Variants in ZFP91 observed in about 807,000 individuals in gnomAD.
ZFP91 encodes the protein E3 ubiquitin-protein ligase ZFP91.
In ZFP91, 7 loss-of-function variants were observed where a neutral mutation model predicts 63.5. That is an observed-to-expected ratio of 0.11 (90% CI 0.06 to 0.21). The LOEUF is 0.21. Ranked by LOEUF, ZFP91 falls within the 10% of genes least tolerant of loss-of-function variation. ZFP91 has a pLI of 1.00. For missense variants in ZFP91, 628 were observed against 736.6 expected, an observed-to-expected ratio of 0.85 and a Z score of 1.71; for synonymous variants, 330 against 272.1, an observed-to-expected ratio of 1.21 and a Z score of -2.10.
intron 6 of ZFP91, 80 bp from the exon 7 acceptor site, chr11:58,612,190 CGTGTGTGT>C: frequency 2.5e-6 from 3 of 1,193,550 alleles, no homozygotes; most frequent in Non-Finnish European, 3.6e-6. Context: ...GTTCTTTGGC[CGTGTGTGT>C]GTGTGTGTGT....
Position 58,579,591 on chromosome 11 carries a change from C to A in ZFP91, c.310C>A (p.Pro104Thr), listed in dbSNP as rs1855057622. Residue 104 changes from proline to threonine, a missense_variant, in exon 1 of 11, where the codon CCA becomes ACA. This residue lies in a region of ZFP91 where 437 missense variants were observed against 380.3 expected (regional missense o/e 1.15). Coordinates refer to ENST00000316059, the MANE Select transcript of ZFP91 (RefSeq NM_053023.5). ...QQPQAAKSPS[P>T]VQGKKSPRLL... ...GCCCCAGGCCGCGAAGTCCCCGTCTCCAGTTCAGGGCAAGAAGAGTCCGCG... is the reference window on the plus strand; with the variant it reads ...GCCCCAGGCCGCGAAGTCCCCGTCTACAGTTCAGGGCAAGAAGAGTCCGCG... 6.3e-7 allele frequency: 1 copy of A among 1,580,272 alleles called. No homozygotes were observed. Among genetic ancestry groups the A allele is most frequent in the African/African-American group, 1.4e-5 (1 of 71,014 alleles).
At chr11:58,601,011 A>C (rs190708353) in intron 2 of ZFP91, among the ~76,000 whole-genome samples, 22 of 152,206 alleles carry the variant, frequency 1.4e-4, no homozygotes, top group Admixed American at 1.2e-3. Context: ...AATTGATTAT[A>C]GTGTTTAATC....
chr11:58,610,121 G>T, intron 3 of ZFP91, 82 bp downstream of exon 3: 1 of 1,526,256 alleles, frequency 6.6e-7, no homozygotes. Flanking sequence ...TGTGTTAACA[G>T]CTTAACTGTC....
Position 58,617,674 on chromosome 11 carries a change from C to T in ZFP91, c.1681C>T (p.Leu561=). The stretch of plus-strand genomic sequence containing the variant: ...TATACTCGGTGCTACCACAGAGGTT[C>T]TGATTGAAGATTCAGACTCTGCCGG... ...SDILGATTEV[L]IEDSDSAGP The change falls in exon 11 of 11, where the codon CTG becomes TTG. Residue 561 remains leucine, a synonymous_variant. Coordinates refer to ENST00000316059, the MANE Select transcript of ZFP91 (RefSeq NM_053023.5). This position sits in a 1 kb window ranked among gnomAD's most constrained non-coding sequence, Gnocchi z 4.2. 6.6e-7 allele frequency: 1 copy of T among 1,521,902 alleles called. No individual in the cohort carries two copies. Among genetic ancestry groups the T allele is most frequent in the South Asian group, 1.3e-5 (1 of 75,378 alleles). The allele number at this position is 1,521,902 out of a possible 1,614,324, so 94.3% of individuals were successfully genotyped here.
At chr11:58,610,064 G>T in intron 3 of ZFP91, 25 bp downstream of exon 3, 1 of 1,607,466 alleles carries the variant, frequency 6.2e-7, no homozygotes. Flanking sequence ...GAATATGGCT[G>T]TTTACTAACT....
At chr11:58,591,249 G>A (rs1344296506) in intron 2 of ZFP91, among the ~76,000 whole-genome samples, 1 of 152,090 alleles carries the variant, frequency 6.6e-6, no homozygotes, top group Non-Finnish European at 1.5e-5. Flanking sequence ...TTTGTGTCTC[G>A]CTTATTTTGC....
chr11:58,609,324 G>A (rs1168109515), intron 2 of ZFP91, among the ~76,000 whole-genome samples: 1 of 152,186 alleles, frequency 6.6e-6, no homozygotes, highest in Non-Finnish European at 1.5e-5. Context: ...CTATAGATTA[G>A]TTCAAATTTA....
chr11:58,596,879 T>A (rs1446063163), intron 2 of ZFP91, among the ~76,000 whole-genome samples: 1 of 152,126 alleles, frequency 6.6e-6, no homozygotes, highest in East Asian at 1.9e-4. Flanking sequence ...GTTCTCTCTA[T>A]TGGGATTTTC....
At chr11:58,581,142 C>G (rs1287238184) in intron 1 of ZFP91, among the ~76,000 whole-genome samples, 2 of 152,074 alleles carry the variant, frequency 1.3e-5, no homozygotes, top group African/African-American at 2.4e-5. Flanking sequence ...TTGCGTTTTT[C>G]AGTAATGGTG....
intron 1 of ZFP91, among the ~76,000 whole-genome samples, chr11:58,580,080 T>C (rs1346847570): frequency 1.4e-5 from 2 of 146,262 alleles, no homozygotes; most frequent in African/African-American, 5.1e-5. Flanking sequence ...GATGTACTAG[T>C]GTGTTTATGT....
intron 9 of ZFP91, 56 bp from the exon 10 acceptor site, chr11:58,616,660 G>A (rs1855753459): frequency 2.0e-6 from 3 of 1,481,626 alleles, no homozygotes; most frequent in South Asian, 1.2e-5. Context: ...TTACTGTAAG[G>A]GAAAATATTT....
chr11:58,600,386 A>G (rs1855473897), intron 2 of ZFP91, among the ~76,000 whole-genome samples: 1 of 152,166 alleles, frequency 6.6e-6, no homozygotes, highest in African/African-American at 2.4e-5. Context: ...ACTTAAAACA[A>G]TGAATGTTAT....
At chr11:58,584,025 T>G (rs1855163065) in intron 1 of ZFP91, among the ~76,000 whole-genome samples, 1 of 152,052 alleles carries the variant, frequency 6.6e-6, no homozygotes, top group South Asian at 2.1e-4. Context: ...TATAGGAAGT[T>G]CATTATACTG....
intron 9 of ZFP91, among the ~76,000 whole-genome samples, chr11:58,615,958 C>T (rs1855742730): frequency 6.6e-6 from 1 of 152,166 alleles, no homozygotes; most frequent in Non-Finnish European, 1.5e-5. Context: ...TCTTTGTGCA[C>T]GGGCTTCCCA....
chr11:58,592,522 C>T (rs997375745), intron 2 of ZFP91, among the ~76,000 whole-genome samples: 2 of 152,112 alleles, frequency 1.3e-5, no homozygotes, highest in South Asian at 2.1e-4. Context: ...TTCTGTCATT[C>T]GTGACAACGT....
chr11:58,617,928 A>C lies in ZFP91; in HGVS notation c.*222A>C. ...AAAATTGATGTTGTCTTTACCAGAA[A>C]GGTAGACAAAAAAGAAGCAGCAGCA... On this transcript the variant is annotated 3_prime_UTR_variant, in exon 11 of 11. Transcript: ENST00000316059. The surrounding 1 kb of genome is among the most constrained non-coding windows in gnomAD (Gnocchi z 4.2). 2.0e-6 allele frequency: 1 copy of C among 500,752 alleles called. No individual in the cohort carries two copies. The highest frequency in any genetic ancestry group is 3.1e-6 in the Non-Finnish European group (1 of 324,830). 31.0% of individuals were successfully genotyped at this position (500,752 alleles called of 1,614,324 possible). A position where few individuals can be genotyped will look rare whatever the true frequency, so the allele number is the denominator to read the frequency against.
rs35866007 is a variant in ZFP91 at position 58,579,065 on chromosome 11, GGCGC to G, written c.-204_-201del. The G allele has an allele frequency of 2.1e-5, 7 of 340,462 alleles. No homozygotes were observed. The highest frequency in any genetic ancestry group is 1.5e-4 in the South Asian group (2 of 13,538). 21.1% of individuals were successfully genotyped at this position (340,462 alleles called of 1,614,324 possible). A position where few individuals can be genotyped will look rare whatever the true frequency, so the allele number is the denominator to read the frequency against. Reference sequence around the variant, plus strand: ...TCCGATTGGCCCGCTGAGCGTCTGTGGCGCGCGCGCGCGCGCCGCCAGCGGTAGC... The same window carrying G: ...TCCGATTGGCCCGCTGAGCGTCTGTGGCGCGCGCGCGCCGCCAGCGGTAGC... On this transcript the variant is annotated 5_prime_UTR_variant, in exon 1 of 11. Transcript: ENST00000316059.
chr11:58,617,572 A>G lies in ZFP91; in HGVS notation c.1579A>G (p.Ser527Gly). The G allele has an allele frequency of 1.2e-6, 2 of 1,611,930 alleles. No individual in the cohort carries two copies. The highest frequency in any genetic ancestry group is 1.7e-6 in the Non-Finnish European group (2 of 1,179,124). Reference sequence around the variant, plus strand: ...ATACTGCAGTGGGACGGAACGGGTGAGCCTGATGGCTGATGGGAAGATCTT... The same window carrying G: ...ATACTGCAGTGGGACGGAACGGGTGGGCCTGATGGCTGATGGGAAGATCTT... The part of the protein sequence containing the change: ...KSYCSGTERV[S>G]LMADGKIFVG... Residue 527 changes from serine to glycine, a missense_variant, in exon 11 of 11, where the codon AGC (serine) becomes GGC (glycine). By Grantham distance (56) the Ser-to-Gly change is moderately conservative (BLOSUM62 0). Coordinates refer to ENST00000316059, the MANE Select transcript of ZFP91 (RefSeq NM_053023.5). This position sits in a 1 kb window ranked among gnomAD's most constrained non-coding sequence, Gnocchi z 4.2.
rs368956635 is a variant in ZFP91, at chr11:58,599,298, GT to G, written c.371-10528del. On this transcript the variant is annotated intron_variant, in intron 2 of 10. Transcript: ENST00000316059. ...GTAATAAGTATTTCTTTGAATAGCT[GT>G]TTTCAATTTTTGGTGTATGTACCTA... is the stretch of plus-strand genomic sequence containing the variant. Among the ~76,000 whole-genome samples the G allele has an allele frequency of 4.8e-3, 735 of 152,094 alleles. 9 individuals carry two copies. Among genetic ancestry groups the G allele is most frequent in the African/African-American group, 0.016 (673 of 41,516 alleles).
Sources: allele counts gnomAD v4.1 joint callset (sites outside exome capture counted in the v4.1 genomes callset), GRCh38; gene constraint gnomAD v4.1.1; regional missense constraint gnomAD v4.1.1; non-coding constraint Gnocchi (gnomAD v3.1); transcripts MANE v1.5; gene names NCBI Gene and HGNC (gene_info 2026-07-23, HGNC 2026-07-21).